Variants in TNIK observed in about 807,000 individuals in gnomAD.
TNIK encodes TRAF2 and NCK-interacting protein kinase.
Under a neutral mutation model 191.3 loss-of-function variants are expected in TNIK, and 49 were observed. The observed-to-expected ratio is 0.26, with a 90% confidence interval of 0.20 to 0.32. The LOEUF is 0.32. Among genes scored for constraint, TNIK ranks in the 10% least tolerant of loss-of-function variants. TNIK has a pLI of 1.00. For synonymous variants in TNIK, 594 were observed against 600.9 expected, an observed-to-expected ratio of 0.99 and a Z score of 0.17; for missense variants, 1,155 against 1,702.3, an observed-to-expected ratio of 0.68 and a Z score of 5.66.
At chr3:171,270,764 T>C (rs888370667) in intron 2 of TNIK, among the ~76,000 whole-genome samples, 1 of 152,216 alleles carries the variant, frequency 6.6e-6, no homozygotes, top group African/African-American at 2.4e-5. Context: ...TGGATGATTT[T>C]GGGAAAGTTA....
intron 12 of TNIK, among the ~76,000 whole-genome samples, chr3:171,152,944 T>C (rs935543792): frequency 2.5e-4 from 38 of 152,026 alleles, no homozygotes; most frequent in African/African-American, 8.9e-4. Context: ...GCTATTTTTT[T>C]GTATTTTTAG....
At position 171,059,694 on chromosome 3, in the gene TNIK, C is replaced by G. The variant is rs1479823218; in HGVS notation, c.*4187G>C. 2.0e-5 allele frequency among the ~76,000 whole-genome samples: 3 copies of G among 152,092 alleles called. No homozygotes were observed. The highest frequency in any genetic ancestry group is 4.4e-5 in the Non-Finnish European group (3 of 68,010). On this transcript the variant is annotated 3_prime_UTR_variant, in exon 33 of 33. Coordinates refer to ENST00000436636, the MANE Select transcript of TNIK (RefSeq NM_015028.4). ...TATAGTGACCAAGGAGATATAGTGGCATTTATGAGAAATATTAGCAGGTAA... is the reference window on the plus strand; with the variant it reads ...TATAGTGACCAAGGAGATATAGTGGGATTTATGAGAAATATTAGCAGGTAA...
At chr3:171,154,777 G>C (rs1732948950) in intron 12 of TNIK, among the ~76,000 whole-genome samples, 1 of 152,184 alleles carries the variant, frequency 6.6e-6, no homozygotes, top group African/African-American at 2.4e-5. Flanking sequence ...ATTCACTTTA[G>C]CTGGGTTTAA....
intron 2 of TNIK, among the ~76,000 whole-genome samples, chr3:171,350,716 A>C (rs1051894789): frequency 2.0e-5 from 3 of 152,038 alleles, no homozygotes; most frequent in African/African-American, 7.2e-5. Flanking sequence ...TATACCTAAA[A>C]TTCTTCTAAA....
At chr3:171,207,964 T>C (rs1740305456) in intron 4 of TNIK, among the ~76,000 whole-genome samples, 1 of 152,112 alleles carries the variant, frequency 6.6e-6, no homozygotes, top group Non-Finnish European at 1.5e-5. Context: ...GACAGTCTTT[T>C]ATGAGGAGCA....
At chr3:171,142,873 C>T (rs1256984338) in intron 12 of TNIK, among the ~76,000 whole-genome samples, 3 of 152,282 alleles carry the variant, frequency 2.0e-5, no homozygotes, top group African/African-American at 7.2e-5. Flanking sequence ...TCCAACCATC[C>T]GTCTCTTTCT....
At chr3:171,309,046 A>G (rs941863607) in intron 2 of TNIK, among the ~76,000 whole-genome samples, 4 of 152,162 alleles carry the variant, frequency 2.6e-5, no homozygotes, top group Non-Finnish European at 4.4e-5. Flanking sequence ...ATCCCATTAC[A>G]GCATATATAC....
At chr3:171,086,751 C>T (rs771444121) in intron 24 of TNIK, among the ~76,000 whole-genome samples, 15 of 152,132 alleles carry the variant, frequency 9.9e-5, no homozygotes, top group Admixed American at 1.3e-4. Flanking sequence ...CAGTCATCAG[C>T]GTCTATGGGC....
chr3:171,115,035 C>T (rs905758682), intron 18 of TNIK, among the ~76,000 whole-genome samples: 2 of 151,958 alleles, frequency 1.3e-5, no homozygotes, highest in African/African-American at 4.8e-5. Context: ...TAAATAATTC[C>T]AAAAAAACTT....
At chr3:171,185,794 A>C (rs1006729533) in intron 7 of TNIK, among the ~76,000 whole-genome samples, 2 of 152,392 alleles carry the variant, frequency 1.3e-5, no homozygotes, top group African/African-American at 2.4e-5. Context: ...TAAACAATAA[A>C]TCAAATAACA....
intron 4 of TNIK, among the ~76,000 whole-genome samples, chr3:171,196,320 A>C (rs1236829908): frequency 6.6e-6 from 1 of 152,210 alleles, no homozygotes; most frequent in Non-Finnish European, 1.5e-5. Context: ...GACTGTTAAC[A>C]TTTTAAAAAG....
At chr3:171,235,068 G>A (rs577149603) in intron 2 of TNIK, among the ~76,000 whole-genome samples, 38 of 152,196 alleles carry the variant, frequency 2.5e-4, no homozygotes, top group African/African-American at 9.2e-4. Flanking sequence ...TTGAGACGGA[G>A]TCTCACTCTG....
rs747633509 is a variant in TNIK at position 171,175,320 on chromosome 3, G to A, written c.705C>T (p.Asp235=). The change falls in exon 9 of 33, where the codon GAC becomes GAT. Residue 235 remains aspartate, a synonymous_variant. Transcript: ENST00000436636. ...EMAEGAPPLC[D]MHPMRALFLI... The stretch of plus-strand genomic sequence containing the variant: ...GGAAGAGAGCTCTCATGGGGTGCAT[G>A]TCACAGAGAGCTGCAAGAGACCAAA... The A allele has an allele frequency of 3.1e-6, 5 of 1,610,152 alleles. No homozygotes were observed. Among genetic ancestry groups the A allele is most frequent in the Non-Finnish European group, 3.4e-6 (4 of 1,178,452 alleles).
chr3:171,391,611 T>G (rs372335278), intron 1 of TNIK, among the ~76,000 whole-genome samples: 2 of 152,232 alleles, frequency 1.3e-5, no homozygotes, highest in South Asian at 4.1e-4. Context: ...TTCTTTTCTC[T>G]TGTCATATTG....
chr3:171,241,466 T>G (rs1476060187), intron 2 of TNIK, among the ~76,000 whole-genome samples: 5 of 152,216 alleles, frequency 3.3e-5, no homozygotes, highest in African/African-American at 1.2e-4. Context: ...TGCATATAAG[T>G]CAAGCAAACA....
At position 171,459,186 on chromosome 3, in the gene TNIK, T is replaced by C. The variant is rs1297417790; in HGVS notation, c.57+821A>G. Among the ~76,000 whole-genome samples the C allele has an allele frequency of 3.9e-5, 6 of 151,950 alleles. No individual in the cohort carries two copies. In the East Asian group the frequency reaches 1.2e-3, roughly 29 times the overall value. On this transcript the variant is annotated intron_variant, in intron 1 of 32. Coordinates refer to ENST00000436636, the MANE Select transcript of TNIK (RefSeq NM_015028.4). ...TGGGGCTGGGGGGAGGGAGGTGCTC[T>C]ACAAAGGACTGGCCACAGACACGGG... is the stretch of plus-strand genomic sequence containing the variant.
intron 4 of TNIK, among the ~76,000 whole-genome samples, chr3:171,196,957 A>G (rs866201841): frequency 6.6e-5 from 10 of 152,232 alleles, no homozygotes; most frequent in Non-Finnish European, 1.3e-4. Flanking sequence ...GGGTTTCACC[A>G]TGTTAGCCGG....
chr3:171,200,678 G>GATTTA (rs1739293951), intron 4 of TNIK, among the ~76,000 whole-genome samples: 5 of 152,136 alleles, frequency 3.3e-5, no homozygotes, highest in Non-Finnish European at 7.3e-5. Flanking sequence ...AAGAGACAGG[G>GATTTA]GGCCTTTAGC....
intron 21 of TNIK, among the ~76,000 whole-genome samples, chr3:171,102,698 G>T (rs561505189): frequency 4.6e-5 from 7 of 152,224 alleles, no homozygotes; most frequent in Admixed American, 4.6e-4. Context: ...TAGGGAGAAA[G>T]AAACTCATTG....
Sources: gnomAD v4.1 joint callset for allele counts (sites outside exome capture counted in the v4.1 genomes callset) on GRCh38, gnomAD v4.1.1 for gene constraint, MANE v1.5 for transcripts, NCBI Gene and HGNC (gene_info 2026-07-23, HGNC 2026-07-21) for gene names.